Variants in KCNB2 observed in about 807,000 individuals in gnomAD.
The protein encoded by KCNB2 is delayed rectifier potassium channel protein.
In KCNB2, 15 loss-of-function variants were observed where a neutral mutation model predicts 61.5. The observed-to-expected ratio is 0.24, with a 90% CI of 0.16 to 0.38. KCNB2 has a LOEUF of 0.38. Among genes scored for constraint, KCNB2 ranks in the 10% least tolerant of loss-of-function variants. The pLI, the probability that KCNB2 is intolerant of heterozygous loss-of-function variation, is 1.00. For synonymous variants in KCNB2, 457 were observed against 446.0 expected (o/e 1.02, Z -0.31); for missense variants, 828 against 1,125.2 (o/e 0.74, Z 3.78).
intron 2 of KCNB2, among the ~76,000 whole-genome samples, chr8:72,919,919 A>T (rs1806475604): frequency 6.6e-6 from 1 of 152,170 alleles, no homozygotes; most frequent in Non-Finnish European, 1.5e-5. Flanking sequence ...AATGTTAGCC[A>T]CTATTTAAAA....
chr8:72,936,912 C>T lies in KCNB2; in HGVS notation c.1557C>T (p.Asp519=). Residue 519 remains aspartate, a synonymous_variant, in exon 3 of 3, where the codon GAC becomes GAT. Transcript: ENST00000523207. This position sits in a 1 kb window ranked among gnomAD's most constrained non-coding sequence, Gnocchi z 5.6. ...AGTACCAGGAGGTTAGCCAAAAAGA[C>T]TCCCACGAGCAGCTGAACAACACGT... The part of the protein sequence containing the change: ...ENKYQEVSQK[D]SHEQLNNTSS... 2 of 1,614,134 alleles carry T rather than the reference C, an allele frequency of 1.2e-6. No homozygotes were observed. Among genetic ancestry groups the T allele is most frequent in the Non-Finnish European group, 1.7e-6 (2 of 1,180,030 alleles).
chr8:72,714,322 A>G (rs1400750129), intron 2 of KCNB2, among the ~76,000 whole-genome samples: 1 of 152,050 alleles, frequency 6.6e-6, no homozygotes. Flanking sequence ...CCACAAAGAT[A>G]CTCCTCGAGA....
At chr8:72,816,963 C>G (rs1481676651) in intron 2 of KCNB2, among the ~76,000 whole-genome samples, 1 of 152,098 alleles carries the variant, frequency 6.6e-6, no homozygotes, top group African/African-American at 2.4e-5. Flanking sequence ...AGTTTTTCTA[C>G]TCCCAAATAT....
At chr8:72,803,627 C>T (rs544010471) in intron 2 of KCNB2, among the ~76,000 whole-genome samples, 40 of 152,254 alleles carry the variant, frequency 2.6e-4, no homozygotes, top group African/African-American at 9.4e-4. Flanking sequence ...TGTGAGATTA[C>T]GGGTCTGAAA....
chr8:72,782,661 T>C (rs991112864), intron 2 of KCNB2, among the ~76,000 whole-genome samples: 2 of 152,174 alleles, frequency 1.3e-5, no homozygotes, highest in Non-Finnish European at 2.9e-5. Flanking sequence ...TAAGTGGCTC[T>C]TTCCATCCAC....
At chr8:72,899,377 G>A (rs1273160634) in intron 2 of KCNB2, among the ~76,000 whole-genome samples, 1 of 152,126 alleles carries the variant, frequency 6.6e-6, no homozygotes, top group Non-Finnish European at 1.5e-5. Context: ...GGAAGTCCTA[G>A]CCAGAGCAAT....
rs190761589 is a variant in KCNB2, at chr8:72,859,541, C to T, written c.580-76394C>T. Among the ~76,000 whole-genome samples the T allele has an allele frequency of 1.3e-3, 204 of 151,830 alleles. 1 individual carries two copies. The highest frequency in any genetic ancestry group is 3.4e-3 in the Admixed American group (52 of 15,216). ...CATCCCACCTCTACACTTTCCCAAC[C>T]CTAAGCAAGCCACTAATCTACTTTT... On this transcript the variant is annotated intron_variant, in intron 2 of 2. Transcript: ENST00000523207.
intron 2 of KCNB2, among the ~76,000 whole-genome samples, chr8:72,769,509 G>A (rs1808525841): frequency 6.6e-6 from 1 of 152,182 alleles, no homozygotes; most frequent in African/African-American, 2.4e-5. Flanking sequence ...TTCTGCCAGG[G>A]GTGCAATTTG....
intron 1 of KCNB2, among the ~76,000 whole-genome samples, chr8:72,565,250 T>C (rs1806606592): frequency 6.6e-6 from 1 of 152,194 alleles, no homozygotes; most frequent in Non-Finnish European, 1.5e-5. Context: ...ATAGTCCATC[T>C]ACATTTTTCA....
chr8:72,898,746 G>A (rs1755773648), intron 2 of KCNB2, among the ~76,000 whole-genome samples: 1 of 152,090 alleles, frequency 6.6e-6, no homozygotes, highest in Non-Finnish European at 1.5e-5. Context: ...GAGGTTTGTG[G>A]TATGGATTCC....
intron 2 of KCNB2, among the ~76,000 whole-genome samples, chr8:72,692,182 G>A (rs1380702270): frequency 7.0e-6 from 1 of 141,932 alleles, no homozygotes; most frequent in Non-Finnish European, 1.5e-5. Flanking sequence ...CTTGCAGTGA[G>A]CCGAGATCAT....
intron 2 of KCNB2, among the ~76,000 whole-genome samples, chr8:72,662,941 C>T (rs1414190413): frequency 1.3e-5 from 2 of 152,124 alleles, no homozygotes; most frequent in African/African-American, 2.4e-5. Context: ...ACATAGAAGT[C>T]TTCAGAAAAC....
intron 2 of KCNB2, among the ~76,000 whole-genome samples, chr8:72,696,881 A>C (rs1179768910): frequency 6.6e-6 from 1 of 152,170 alleles, no homozygotes; most frequent in Non-Finnish European, 1.5e-5. Flanking sequence ...GCAAACAAAA[A>C]AGAATGGCTC....
intron 2 of KCNB2, among the ~76,000 whole-genome samples, chr8:72,933,969 TAAGTTA>T (rs1385259158): frequency 1.3e-5 from 2 of 152,206 alleles, no homozygotes; most frequent in Non-Finnish European, 2.9e-5. Flanking sequence ...CACTGCACTT[TAAGTTA>T]AAGGTCCATA....
chr8:72,824,122 G>A (rs1227420511), intron 2 of KCNB2, among the ~76,000 whole-genome samples: 2 of 152,096 alleles, frequency 1.3e-5, no homozygotes, highest in African/African-American at 4.8e-5. Flanking sequence ...CACAGTCTTA[G>A]CTGTGCAATT....
chr8:72,753,982 G>A (rs1325056918), intron 2 of KCNB2, among the ~76,000 whole-genome samples: 4 of 152,108 alleles, frequency 2.6e-5, no homozygotes, highest in Non-Finnish European at 1.5e-5. Flanking sequence ...GGAGGCGCCT[G>A]CAGTTCAGGT....
chr8:72,736,918 A>AT (rs1474849078), intron 2 of KCNB2, among the ~76,000 whole-genome samples: 1 of 152,166 alleles, frequency 6.6e-6, no homozygotes, highest in African/African-American at 2.4e-5. Context: ...TTGAAAGAAT[A>AT]TACATATATA....
chr8:72,812,188 G>A (rs1434801123), intron 2 of KCNB2, among the ~76,000 whole-genome samples: 1 of 151,838 alleles, frequency 6.6e-6, no homozygotes, highest in East Asian at 1.9e-4. Context: ...CTTAAACCGG[G>A]ACCTGGGAGG....
intron 2 of KCNB2, among the ~76,000 whole-genome samples, chr8:72,851,218 G>A (rs557172784): frequency 1.3e-5 from 2 of 151,914 alleles, no homozygotes; most frequent in South Asian, 2.1e-4. Flanking sequence ...CTGCTTCCAC[G>A]TCACTGCCTT....
Sources: allele counts gnomAD v4.1 joint callset (sites outside exome capture counted in the v4.1 genomes callset), GRCh38; gene constraint gnomAD v4.1.1; non-coding constraint Gnocchi (gnomAD v3.1); transcripts MANE v1.5; gene names NCBI Gene and HGNC (gene_info 2026-07-23, HGNC 2026-07-21).